The following COL4A6 variants were observed in gnomAD, a reference collection of about 807,000 sequenced individuals.
The protein encoded by COL4A6 is collagen alpha-6(IV) chain.
COL4A6 carries 59 observed loss-of-function variants against 126.7 expected under a neutral mutation model. The observed-to-expected ratio is 0.47, with a 90% CI of 0.38 to 0.58. COL4A6 has a LOEUF of 0.58. COL4A6 is among the 20% of genes least tolerant of loss of function. The pLI is 0.00. For synonymous variants in COL4A6, 547 were observed against 496.6 expected (o/e 1.10, Z -1.35); for missense variants, 1,285 against 1,337.3 (o/e 0.96, Z 0.61).
chrX:108,300,605 A>G (rs1222647551), intron 3 of COL4A6, among the ~76,000 whole-genome samples: 1 of 110,801 alleles, frequency 9.0e-6, no homozygotes, highest in African/African-American at 3.3e-5. Context: ...TTTTTGTCAT[A>G]ATATTTTTAA....
intron 3 of COL4A6, among the ~76,000 whole-genome samples, chrX:108,270,603 C>A (rs1473784253): frequency 8.9e-6 from 1 of 112,233 alleles, no homozygotes; most frequent in Admixed American, 9.4e-5. Flanking sequence ...TCTGAAGCCA[C>A]TGGGTTTTGG....
At chrX:108,436,645 A>G (rs1406453384) in intron 2 of COL4A6, among the ~76,000 whole-genome samples, 3 of 112,358 alleles carry the variant, frequency 2.7e-5, no homozygotes, top group African/African-American at 9.7e-5. Context: ...TTGAAGGAAT[A>G]AGATGGAGAA....
chrX:108,177,514 A>T (rs1390453832), intron 27 of COL4A6, among the ~76,000 whole-genome samples: 1 of 111,588 alleles, frequency 9.0e-6, no homozygotes, highest in Non-Finnish European at 1.9e-5. Context: ...CAGTTAAGTC[A>T]GCCAGTTCCT....
intron 31 of COL4A6, among the ~76,000 whole-genome samples, chrX:108,173,883 T>C (rs1176207348): frequency 8.9e-6 from 1 of 112,752 alleles, no homozygotes; most frequent in Non-Finnish European, 1.9e-5. Context: ...TAAGCTGGAC[T>C]TGATTCTTTG....
intron 2 of COL4A6, among the ~76,000 whole-genome samples, chrX:108,338,931 T>C (rs1603117157): frequency 9.0e-6 from 1 of 111,698 alleles, no homozygotes; most frequent in African/African-American, 3.2e-5. Flanking sequence ...TTACAAGATA[T>C]GAGAGAGACA....
chrX:108,372,849 T>C (rs183241168), intron 2 of COL4A6, among the ~76,000 whole-genome samples: 1 of 112,291 alleles, frequency 8.9e-6, no homozygotes, highest in East Asian at 2.8e-4. Context: ...ATTTAGTATG[T>C]AGTATTATTA....
intron 2 of COL4A6, among the ~76,000 whole-genome samples, chrX:108,387,725 T>G (rs1432617348): frequency 1.8e-5 from 2 of 112,003 alleles, no homozygotes; most frequent in African/African-American, 3.2e-5. Flanking sequence ...CTTGCCTGAT[T>G]ACCCTGGCCA....
intron 2 of COL4A6, among the ~76,000 whole-genome samples, chrX:108,410,392 A>C (rs2041302406): frequency 1.8e-5 from 2 of 111,557 alleles, no homozygotes; most frequent in South Asian, 3.8e-4. Context: ...TCATATAGAT[A>C]AGAAGGCAGA....
intron 2 of COL4A6, among the ~76,000 whole-genome samples, chrX:108,395,318 T>C (rs1167143008): frequency 1.8e-5 from 2 of 111,996 alleles, no homozygotes; most frequent in East Asian, 5.6e-4. Context: ...AAATAACTTA[T>C]CAGTTTGAGG....
At chrX:108,302,333 G>A (rs1374022190) in intron 3 of COL4A6, among the ~76,000 whole-genome samples, 2 of 111,139 alleles carry the variant, frequency 1.8e-5, no homozygotes, top group Non-Finnish European at 3.8e-5. Flanking sequence ...TATATACTTA[G>A]GGCAAGATCT....
At chrX:108,212,215 TTTTTA>T (rs1208304353) in intron 6 of COL4A6, among the ~76,000 whole-genome samples, 1 of 78,069 alleles carries the variant, frequency 1.3e-5, no homozygotes, top group Admixed American at 1.3e-4. Flanking sequence ...TCTTTCTTTC[TTTTTA>T]TTTTATTATT....
At chrX:108,397,872 T>C (rs1186961045) in intron 2 of COL4A6, among the ~76,000 whole-genome samples, 1 of 111,737 alleles carries the variant, frequency 8.9e-6, no homozygotes, top group African/African-American at 3.2e-5. Context: ...AACTACCAAT[T>C]AGACAAAAAT....
At chrX:108,209,918 TTAGTGA>T (rs753556311) in intron 8 of COL4A6, 45 bp downstream of exon 8, 1 of 1,167,754 alleles carries the variant, frequency 8.6e-7, no homozygotes, top group South Asian at 1.9e-5. Context: ...AAATGCACCA[TTAGTGA>T]TTTTTAGTCA....
Position 108,386,951 on chromosome X carries a change from A to G in COL4A6, c.63+50991T>C, listed in dbSNP as rs189817976. On this transcript the variant is annotated intron_variant, in intron 2 of 44. Transcript: ENST00000334504. Reference sequence around the variant, plus strand: ...CTGCATATGGCTAGACAGCTCTCCCAACACCATTTATTAAATAAGGAATCC... The same window carrying G: ...CTGCATATGGCTAGACAGCTCTCCCGACACCATTTATTAAATAAGGAATCC... Among the ~76,000 whole-genome samples the G allele has an allele frequency of 6.0e-3, 672 of 111,918 alleles. 2 individuals are homozygous for G. The highest frequency in any genetic ancestry group is 0.034 in the East Asian group (122 of 3,555).
At chrX:108,437,397 C>G (rs1295406471) in intron 2 of COL4A6, among the ~76,000 whole-genome samples, 1 of 111,670 alleles carries the variant, frequency 9.0e-6, no homozygotes, top group East Asian at 2.8e-4. Flanking sequence ...AAACGAGTAA[C>G]ACGACACATC....
intron 31 of COL4A6, 145 bp from the exon 32 acceptor site, chrX:108,172,677 G>A: frequency 2.4e-6 from 1 of 420,232 alleles, no homozygotes; most frequent in Non-Finnish European, 4.0e-6. Context: ...TGGAAGTGGG[G>A]ATGTTATGTC....
In COL4A6 at chrX:108,266,602, T is replaced by C. The variant is rs201403580; in HGVS notation, c.144+44146A>G. Among the ~76,000 whole-genome samples, 17 of 111,979 alleles carry C rather than the reference T, an allele frequency of 1.5e-4. No homozygotes were observed. In the East Asian group the frequency reaches 4.8e-3, roughly 32 times the overall value. On this transcript the variant is annotated intron_variant, in intron 3 of 44. Transcript: ENST00000334504. ...TCTATGCTGTTCACTAATGGTAATT[T>C]GTTCATTGGTGGTAATTTGTTATAT...
intron 18 of COL4A6, among the ~76,000 whole-genome samples, chrX:108,192,255 A>C (rs2035065583): frequency 8.9e-6 from 1 of 112,009 alleles, no homozygotes; most frequent in Middle Eastern, 4.6e-3. Context: ...CAGCTATGAT[A>C]CATTATTTAA....
At chrX:108,378,158 T>C (rs1465471358) in intron 2 of COL4A6, among the ~76,000 whole-genome samples, 1 of 110,514 alleles carries the variant, frequency 9.0e-6, no homozygotes, top group African/African-American at 3.3e-5. Flanking sequence ...TATGGGATCA[T>C]AAATAATTTC....
Sources: gnomAD v4.1 joint callset for allele counts (sites outside exome capture counted in the v4.1 genomes callset) on GRCh38, gnomAD v4.1.1 for gene constraint, MANE v1.5 for transcripts, NCBI Gene and HGNC (gene_info 2026-07-23, HGNC 2026-07-21) for gene names.